TRDN: variants seen among roughly 807,000 people sequenced by gnomAD.
The protein encoded by TRDN is triadin in skeletal muscle.
TRDN carries 161 observed loss-of-function variants against 149.7 expected under a neutral mutation model. The ratio of observed to expected loss-of-function variants is 1.08; its 90% CI spans 0.95 to 1.23. The LOEUF is 1.23. Among genes scored for constraint, TRDN ranks in the 50% most tolerant of loss-of-function variants. The pLI is 0.00. For synonymous variants in TRDN, 294 were observed against 250.5 expected, an observed-to-expected ratio of 1.17 and a Z score of -1.64; for missense variants, 896 against 823.5, an observed-to-expected ratio of 1.09 and a Z score of -1.08.
At chr6:123,485,405 A>AT (rs1219439065) in intron 9 of TRDN, among the ~76,000 whole-genome samples, 6 of 152,032 alleles carry the variant, frequency 3.9e-5, no homozygotes, top group Non-Finnish European at 8.8e-5. Flanking sequence ...TGATCATCAA[A>AT]TTTTTTTTCA....
Position 123,260,656 on chromosome 6 carries a change from A to G in TRDN, c.1805-18T>C. On this transcript the variant is annotated intron_variant, in intron 33 of 40. Coordinates refer to ENST00000334268, the MANE Select transcript of TRDN (RefSeq NM_006073.4). ...TGTTCCTTCTTTAGAAAAAAAAAAA[A>G]AAAGAATGTAGAAAGAAAGGAAAAA... 6.9e-7 allele frequency: 1 copy of G among 1,458,994 alleles called. No individual in the cohort carries two copies. The highest frequency in any genetic ancestry group is 9.1e-7 in the Non-Finnish European group (1 of 1,100,502). 90.4% of individuals were successfully genotyped at this position (1,458,994 alleles called of 1,614,324 possible). A position where few individuals can be genotyped will look rare whatever the true frequency, so the allele number is the denominator to read the frequency against.
chr6:123,587,381 G>A (rs1783549950), intron 1 of TRDN, among the ~76,000 whole-genome samples: 2 of 152,274 alleles, frequency 1.3e-5, no homozygotes, highest in Non-Finnish European at 2.9e-5. Context: ...AGAAGGAAGA[G>A]ATTGAAGAGT....
At chr6:123,331,010 T>G (rs1247825225) in intron 23 of TRDN, among the ~76,000 whole-genome samples, 1 of 152,112 alleles carries the variant, frequency 6.6e-6, no homozygotes, top group Non-Finnish European at 1.5e-5. Context: ...CAGGCTCTTC[T>G]TCTAACATTC....
At chr6:123,443,512 G>A (rs1214413596) in intron 10 of TRDN, among the ~76,000 whole-genome samples, 2 of 152,038 alleles carry the variant, frequency 1.3e-5, no homozygotes, top group East Asian at 1.9e-4. Context: ...GCCAGGCCTG[G>A]CTGGGCACGG....
In TRDN at chr6:123,613,525, CT is replaced by C. The variant is rs202216991; in HGVS notation, c.22+23228del. ...TCAATTATTCAGAGCTTAGTTGAAA[CT>C]TTTTTTTTAAATTAAGCATGGAGAC... On this transcript the variant is annotated intron_variant, in intron 1 of 40. Coordinates refer to ENST00000334268, the MANE Select transcript of TRDN (RefSeq NM_006073.4). 4.2e-3 allele frequency among the ~76,000 whole-genome samples: 638 copies of C among 151,442 alleles called. 4 individuals carry two copies. The highest frequency in any genetic ancestry group is 0.014 in the African/African-American group (597 of 41,340).
chr6:123,371,363 G>T (rs540343829), intron 19 of TRDN, among the ~76,000 whole-genome samples: 1 of 152,174 alleles, frequency 6.6e-6, no homozygotes, highest in African/African-American at 2.4e-5. Context: ...TTTTGCTCAA[G>T]TGTGATGTAT....
chr6:123,577,624 G>T (rs771930742), intron 1 of TRDN, among the ~76,000 whole-genome samples: 1 of 152,022 alleles, frequency 6.6e-6, no homozygotes, highest in Non-Finnish European at 1.5e-5. Flanking sequence ...GTGTCTTTAA[G>T]GTAGAATAAT....
chr6:123,301,768 T>TAC (rs36076877), intron 24 of TRDN, among the ~76,000 whole-genome samples: 3 of 92,752 alleles, frequency 3.2e-5, no homozygotes, highest in African/African-American at 7.7e-5. Context: ...TATATATATA[T>TAC]ACATATATAT....
chr6:123,415,612 A>G (rs1312391936), intron 12 of TRDN, among the ~76,000 whole-genome samples: 2 of 152,228 alleles, frequency 1.3e-5, no homozygotes, highest in African/African-American at 4.8e-5. Flanking sequence ...TGTACTAGCC[A>G]AATAATCATA....
intron 1 of TRDN, among the ~76,000 whole-genome samples, chr6:123,617,196 G>A (rs532016021): frequency 4.6e-5 from 7 of 152,210 alleles, no homozygotes; most frequent in Admixed American, 1.3e-4. Context: ...GCCCAGGAAC[G>A]TGAAGGATAC....
intron 20 of TRDN, among the ~76,000 whole-genome samples, chr6:123,353,684 T>C (rs1323872656): frequency 6.6e-6 from 1 of 150,794 alleles, no homozygotes; most frequent in Non-Finnish European, 1.5e-5. Flanking sequence ...AAAAAGGAGG[T>C]GAATTTCACC....
At chr6:123,468,732 C>A (rs1040138377) in intron 9 of TRDN, 1 of 152,148 alleles carries the variant, frequency 6.6e-6, no homozygotes, top group African/African-American at 2.4e-5. Context: ...CATTTCTGAA[C>A]AACTGAAGCC....
intron 40 of TRDN, among the ~76,000 whole-genome samples, chr6:123,220,779 T>C (rs1033391641): frequency 6.6e-6 from 1 of 151,806 alleles, no homozygotes; most frequent in Non-Finnish European, 1.5e-5. Context: ...GACAAATATC[T>C]AGCTCTTTAC....
rs1175954476 is a variant in TRDN, at chr6:123,463,712, T to A, written c.931+1194A>T. Among the ~76,000 whole-genome samples the A allele has an allele frequency of 2.6e-5, 4 of 152,074 alleles. No individual in the cohort carries two copies. The East Asian group carries it at 7.7e-4, about 29-fold the overall frequency. Reference sequence around the variant, plus strand: ...TTGTGTCAAATTCTCTTAAGTCATGTGAACTATTATAGTCCAAATGCCAAA... The same window carrying A: ...TTGTGTCAAATTCTCTTAAGTCATGAGAACTATTATAGTCCAAATGCCAAA... On this transcript the variant is annotated intron_variant, in intron 10 of 40. Transcript: ENST00000334268.
chr6:123,378,025 C>A, intron 16 of TRDN, 127 bp from the exon 17 acceptor site: 1 of 600,096 alleles, frequency 1.7e-6, no homozygotes, highest in Non-Finnish European at 2.8e-6. Flanking sequence ...CTAATAATGG[C>A]TTACATAAAA....
intron 24 of TRDN, among the ~76,000 whole-genome samples, chr6:123,314,578 G>T (rs1005744986): frequency 6.6e-6 from 1 of 151,960 alleles, no homozygotes; most frequent in Non-Finnish European, 1.5e-5. Flanking sequence ...CAATAGCAAA[G>T]ACAAAGAATC....
At chr6:123,430,189 G>A (rs1774273903) in intron 12 of TRDN, among the ~76,000 whole-genome samples, 1 of 151,930 alleles carries the variant, frequency 6.6e-6, no homozygotes, top group South Asian at 2.1e-4. Context: ...AGTATCTCTT[G>A]ATCCCAGGAG....
intron 12 of TRDN, among the ~76,000 whole-genome samples, chr6:123,406,709 C>A: frequency 6.6e-6 from 1 of 152,040 alleles, no homozygotes; most frequent in South Asian, 2.1e-4. Flanking sequence ...AATAAAATAA[C>A]AACAATGGCA....
At chr6:123,526,921 T>G (rs1286524277) in intron 5 of TRDN, among the ~76,000 whole-genome samples, 2 of 152,048 alleles carry the variant, frequency 1.3e-5, no homozygotes, top group African/African-American at 4.8e-5. Context: ...AATTAACTGA[T>G]AGTTACTGTT....
Sources: allele counts gnomAD v4.1 joint callset (sites outside exome capture counted in the v4.1 genomes callset), GRCh38; gene constraint gnomAD v4.1.1; transcripts MANE v1.5; gene names NCBI Gene and HGNC (gene_info 2026-07-23, HGNC 2026-07-21).